Variants in XKR6 observed in about 807,000 individuals in gnomAD.
The protein encoded by XKR6 is XK related 6, also known as XK-related protein 6.
In XKR6, 22 loss-of-function variants were observed where a neutral mutation model predicts 56.7. That is an observed-to-expected ratio of 0.39 (90% CI 0.28 to 0.55). The LOEUF is 0.55. Ranked by LOEUF, XKR6 falls within the 20% of genes least tolerant of loss-of-function variation. The pLI is 0.66. For synonymous variants in XKR6, 524 were observed against 387.8 expected (o/e 1.35, Z -4.13); for missense variants, 852 against 889.0 (o/e 0.96, Z 0.53).
chr8:11,132,951 T>C (rs552572949), intron 1 of XKR6, among the ~76,000 whole-genome samples: 38 of 151,132 alleles, frequency 2.5e-4, no homozygotes, highest in Admixed American at 8.6e-4. Context: ...AAGATACAAG[T>C]AAAAAAGAAG....
chr8:10,957,460 T>A (rs1278344621), intron 1 of XKR6, among the ~76,000 whole-genome samples: 3 of 152,118 alleles, frequency 2.0e-5, no homozygotes, highest in African/African-American at 7.2e-5. Context: ...TTGTGGCCCA[T>A]GGTGTGCCCC....
intron 1 of XKR6, among the ~76,000 whole-genome samples, chr8:11,033,623 C>T (rs1273715334): frequency 6.6e-6 from 1 of 152,126 alleles, no homozygotes; most frequent in Non-Finnish European, 1.5e-5. Flanking sequence ...GGCACTGCCC[C>T]ATAACCTCTG....
At chr8:10,935,612 T>C (rs1478705489) in intron 1 of XKR6, among the ~76,000 whole-genome samples, 2 of 151,528 alleles carry the variant, frequency 1.3e-5, no homozygotes, top group Admixed American at 6.6e-5. Context: ...TTTGTTCTCA[T>C]TGGTTTCAAA....
chr8:10,902,754 G>A (rs921764923), intron 2 of XKR6, among the ~76,000 whole-genome samples: 12 of 152,234 alleles, frequency 7.9e-5, no homozygotes, highest in Non-Finnish European at 1.5e-4. Flanking sequence ...TGACCACACA[G>A]AGCAATGGGG....
chr8:11,030,059 G>A (rs926879665), intron 1 of XKR6, among the ~76,000 whole-genome samples: 1 of 152,118 alleles, frequency 6.6e-6, no homozygotes, highest in Non-Finnish European at 1.5e-5. Flanking sequence ...TGGATAAAGT[G>A]CACTCTGTTC....
At chr8:11,118,566 T>G (rs1799291690) in intron 1 of XKR6, among the ~76,000 whole-genome samples, 1 of 152,246 alleles carries the variant, frequency 6.6e-6, no homozygotes, top group African/African-American at 2.4e-5. Flanking sequence ...CATTTATCCA[T>G]TTCTTCTAGA....
At chr8:11,012,811 C>T (rs1798530975) in intron 1 of XKR6, among the ~76,000 whole-genome samples, 1 of 152,168 alleles carries the variant, frequency 6.6e-6, no homozygotes, top group South Asian at 2.1e-4. Context: ...TATCCCATGT[C>T]AGGCCATGTC....
intron 1 of XKR6, among the ~76,000 whole-genome samples, chr8:11,045,228 A>T (rs1799381217): frequency 6.6e-6 from 1 of 151,618 alleles, no homozygotes; most frequent in Admixed American, 6.6e-5. Context: ...TAGAGACTAC[A>T]GGCACACACC....
At chr8:11,129,257 T>C (rs1156906968) in intron 1 of XKR6, among the ~76,000 whole-genome samples, 1 of 152,252 alleles carries the variant, frequency 6.6e-6, no homozygotes, top group African/African-American at 2.4e-5. Flanking sequence ...TTGTATGTTA[T>C]GTGAATTTCA....
chr8:11,093,108 T>G (rs904680222), intron 1 of XKR6, among the ~76,000 whole-genome samples: 5 of 152,134 alleles, frequency 3.3e-5, no homozygotes, highest in African/African-American at 1.2e-4. Flanking sequence ...CAGGCTGGAG[T>G]GCAATGGTGT....
At position 10,898,485 on chromosome 8, in the gene XKR6, C is replaced by G; in HGVS notation, c.1393G>C (p.Asp465His). The change falls in exon 3 of 3, where the codon GAC becomes CAC. Residue 465 changes from aspartate to histidine, a missense_variant. This residue lies in a region of XKR6 where 197 missense variants were observed against 190.9 expected (regional missense o/e 1.03). Transcript: ENST00000416569. The surrounding 1 kb of genome is among the most constrained non-coding windows in gnomAD (Gnocchi z 6.6). ...GCATAGGAGTCAGTGGTCTCCGGGT[C>G]TCTGTAAAAATACCAAAGGAACGTC... ...ALTFLWYFYRDPETTDSYAVP... is the reference protein window; with the variant it reads ...ALTFLWYFYRHPETTDSYAVP... The G allele has an allele frequency of 1.2e-6, 2 of 1,613,918 alleles. No homozygotes were observed. The highest frequency in any genetic ancestry group is 1.3e-5 in the African/African-American group (1 of 75,040).
chr8:10,976,683 C>T (rs77732255), intron 1 of XKR6, among the ~76,000 whole-genome samples: 5,635 of 152,214 alleles, frequency 0.037, 257 homozygotes, highest in African/African-American at 0.11. Context: ...TGTCTCATTT[C>T]TGGATGAATG....
chr8:11,195,742 G>A (rs988494207), intron 1 of XKR6, among the ~76,000 whole-genome samples: 2 of 150,490 alleles, frequency 1.3e-5, no homozygotes, highest in African/African-American at 2.4e-5. Context: ...TCCACCTCCC[G>A]GGTTGACGCC....
chr8:10,987,295 A>T (rs1797883762), intron 1 of XKR6, among the ~76,000 whole-genome samples: 2 of 152,172 alleles, frequency 1.3e-5, no homozygotes, highest in South Asian at 4.1e-4. Flanking sequence ...CTACTAGTTG[A>T]TCAGTTCACT....
intron 1 of XKR6, among the ~76,000 whole-genome samples, chr8:10,988,132 C>T (rs1797905254): frequency 6.6e-6 from 1 of 152,198 alleles, no homozygotes; most frequent in African/African-American, 2.4e-5. Flanking sequence ...AACTTCATAT[C>T]CCCATCCCCT....
At chr8:11,052,500 G>A (rs549728426) in intron 1 of XKR6, among the ~76,000 whole-genome samples, 10 of 152,290 alleles carry the variant, frequency 6.6e-5, no homozygotes, top group South Asian at 2.1e-4. Flanking sequence ...TGCAGATGGC[G>A]CGAGGTAAGG....
intron 1 of XKR6, among the ~76,000 whole-genome samples, chr8:10,941,583 G>T (rs1801388069): frequency 6.6e-6 from 1 of 152,194 alleles, no homozygotes; most frequent in Non-Finnish European, 1.5e-5. Context: ...TGGGTCCCCA[G>T]CCCCTACCAG....
chr8:10,908,378 C>CATATATATAT (rs59605171), intron 2 of XKR6, among the ~76,000 whole-genome samples: 4 of 149,552 alleles, frequency 2.7e-5, no homozygotes, highest in South Asian at 2.1e-4. Flanking sequence ...CTGCCATAAA[C>CATATATATAT]ATATATATAT....
intron 1 of XKR6, among the ~76,000 whole-genome samples, chr8:10,998,030 A>G (rs757729674): frequency 7.9e-5 from 12 of 152,202 alleles, no homozygotes; most frequent in Non-Finnish European, 1.5e-4. Context: ...GAGGAGAGGC[A>G]ACAGGTCTGA....
Sources: gnomAD v4.1 joint callset for allele counts (sites outside exome capture counted in the v4.1 genomes callset) on GRCh38, gnomAD v4.1.1 for gene constraint, gnomAD v4.1.1 regional missense constraint, Gnocchi (gnomAD v3.1) non-coding constraint, MANE v1.5 for transcripts, NCBI Gene and HGNC (gene_info 2026-07-23, HGNC 2026-07-21) for gene names.